The following TNKS variants were observed in gnomAD, a reference collection of about 807,000 sequenced individuals.
TNKS encodes poly [ADP-ribose] polymerase tankyrase-1.
A neutral mutation model predicts 135.8 loss-of-function variants in TNKS; 72 were observed. The ratio of observed to expected loss-of-function variants is 0.53; its 90% CI spans 0.44 to 0.64. The LOEUF (loss-of-function observed/expected upper bound fraction) is 0.64, where lower values mean the gene tolerates loss of function less well. Ranked by LOEUF, TNKS falls within the 30% of genes least tolerant of loss-of-function variation. The pLI, the probability that TNKS is intolerant of heterozygous loss-of-function variation, is 0.00. For missense variants in TNKS, 1,769 were observed against 1,674.0 expected (o/e 1.06, Z -0.99); for synonymous variants, 849 against 649.3 (o/e 1.31, Z -4.68).
At chr8:9,748,981 C>T (rs895361001) in intron 18 of TNKS, among the ~76,000 whole-genome samples, 1 of 152,156 alleles carries the variant, frequency 6.6e-6, no homozygotes. Flanking sequence ...CATGTGGCAT[C>T]TCATCATTAA....
intron 11 of TNKS, among the ~76,000 whole-genome samples, chr8:9,711,851 T>A (rs1029441745): frequency 6.6e-6 from 1 of 152,130 alleles, no homozygotes; most frequent in Non-Finnish European, 1.5e-5. Flanking sequence ...TATAAATGAA[T>A]CACCCAGCCG....
intron 1 of TNKS, among the ~76,000 whole-genome samples, chr8:9,570,398 G>A (rs77876089): frequency 0.14 from 21,384 of 151,820 alleles, 1,682 homozygotes; most frequent in Admixed American, 0.24. Flanking sequence ...ATAATGTCCT[G>A]GGGGCTAAAA....
At chr8:9,586,666 G>C (rs548448663) in intron 2 of TNKS, among the ~76,000 whole-genome samples, 1 of 151,036 alleles carries the variant, frequency 6.6e-6, no homozygotes, top group Non-Finnish European at 1.5e-5. Context: ...AAAACAGCCA[G>C]TATTATAGAA....
chr8:9,679,757 C>A (rs1327669047), intron 3 of TNKS, 194 bp from the exon 4 acceptor site: 1 of 510,346 alleles, frequency 2.0e-6, no homozygotes, highest in Non-Finnish European at 3.5e-6. Context: ...GAAGCTGCGT[C>A]AATTTGCTGC....
At chr8:9,751,869 T>C in intron 19 of TNKS, 23 bp downstream of exon 19, 1 of 1,603,544 alleles carries the variant, frequency 6.2e-7, no homozygotes, top group Non-Finnish European at 8.5e-7. Context: ...CATGAATGCT[T>C]ATTTATTTAT....
intron 17 of TNKS, chr8:9,741,743 C>T (rs374031731): frequency 3.8e-6 from 2 of 529,290 alleles, no homozygotes; most frequent in Non-Finnish European, 7.8e-6. Context: ...TCTCTTGTGG[C>T]TCAAGCGTAA....
intron 3 of TNKS, among the ~76,000 whole-genome samples, chr8:9,617,435 A>G (rs564630748): frequency 2.3e-4 from 35 of 152,358 alleles, no homozygotes; most frequent in African/African-American, 8.2e-4. Context: ...TTTCAAGAAT[A>G]TCTACTTTTT....
chr8:9,780,679 A>C lies in TNKS; in HGVS notation c.*3943A>C, dbSNP rs370798146. ...TATGGCGGAAACTTTTTAACCTTTT[A>C]TATTTTAATAAATAAAACATTGTAG... is the stretch of plus-strand genomic sequence containing the variant. On this transcript the variant is annotated 3_prime_UTR_variant, in exon 27 of 27. Coordinates refer to ENST00000310430, the MANE Select transcript of TNKS (RefSeq NM_003747.3). 6.6e-6 allele frequency: 1 copy of C among 152,202 alleles called. No individual in the cohort carries two copies. The highest frequency in any genetic ancestry group is 6.5e-5 in the Admixed American group (1 of 15,284). 9.4% of individuals were successfully genotyped at this position (152,202 alleles called of 1,614,324 possible). A position where few individuals can be genotyped will look rare whatever the true frequency, so the allele number is the denominator to read the frequency against.
At chr8:9,769,548 G>A (rs75256485) in intron 25 of TNKS, among the ~76,000 whole-genome samples, 16,620 of 151,258 alleles carry the variant, frequency 0.11, 1,210 homozygotes, top group African/African-American at 0.2. Context: ...TCCATGCAAG[G>A]GCTCAGTTTT....
At chr8:9,702,137 A>G (rs956231123) in intron 5 of TNKS, among the ~76,000 whole-genome samples, 2 of 152,202 alleles carry the variant, frequency 1.3e-5, no homozygotes, top group Non-Finnish European at 2.9e-5. Context: ...TTAACCTAAT[A>G]TTTGTGTAAT....
chr8:9,559,508 A>C (rs1296233713), intron 1 of TNKS, among the ~76,000 whole-genome samples: 1 of 152,060 alleles, frequency 6.6e-6, no homozygotes, highest in Non-Finnish European at 1.5e-5. Flanking sequence ...TAAATTGTGA[A>C]TCTTGGGGGC....
intron 5 of TNKS, among the ~76,000 whole-genome samples, chr8:9,683,317 G>C (rs1287313409): frequency 2.0e-5 from 3 of 152,098 alleles, no homozygotes; most frequent in African/African-American, 7.2e-5. Context: ...TGTCCTAGTA[G>C]ATATGTAGTC....
intron 3 of TNKS, among the ~76,000 whole-genome samples, chr8:9,644,112 AAG>A (rs1341786740): frequency 6.6e-6 from 1 of 152,116 alleles, no homozygotes; most frequent in Non-Finnish European, 1.5e-5. Context: ...CCAGGGCCTG[AAG>A]AGAGGGGGGA....
At chr8:9,669,746 T>C (rs769706015) in intron 3 of TNKS, among the ~76,000 whole-genome samples, 1 of 152,062 alleles carries the variant, frequency 6.6e-6, no homozygotes, top group African/African-American at 2.4e-5. Flanking sequence ...AATTAAATAA[T>C]GTAGTTCATT....
At chr8:9,652,625 T>G (rs1482366729) in intron 3 of TNKS, among the ~76,000 whole-genome samples, 2 of 152,200 alleles carry the variant, frequency 1.3e-5, no homozygotes, top group African/African-American at 4.8e-5. Context: ...TCATCAAAAT[T>G]TTTTTCACTG....
rs773168381 is a variant in TNKS at position 9,748,230 on chromosome 8, A to T, written c.2832+18A>T. ...TGGCAACAGTAAGTCCTCATTTCAG[A>T]TACTGATTATTGTTCCTTCTACTTT... On this transcript the variant is annotated intron_variant, in intron 18 of 26. Coordinates refer to ENST00000310430, the MANE Select transcript of TNKS (RefSeq NM_003747.3). The T allele has an allele frequency of 6.7e-7, 1 of 1,482,652 alleles. No homozygotes were observed. Among genetic ancestry groups the T allele is most frequent in the African/African-American group, 1.4e-5 (1 of 70,156 alleles). The allele number at this position is 1,482,652 out of a possible 1,614,324, so 91.8% of individuals were successfully genotyped here. A position where few individuals can be genotyped will look rare whatever the true frequency, so the allele number is the denominator to read the frequency against.
chr8:9,708,259 TTAAAA>T (rs1473512491), intron 8 of TNKS, 107 bp from the exon 9 acceptor site: 30 of 1,008,134 alleles, frequency 3.0e-5, no homozygotes, highest in Non-Finnish European at 3.9e-5. Flanking sequence ...GCTGCTGTTG[TTAAAA>T]TAGAGAAATT....
intron 13 of TNKS, among the ~76,000 whole-genome samples, chr8:9,729,522 T>C (rs1190066424): frequency 1.3e-5 from 2 of 152,110 alleles, no homozygotes; most frequent in East Asian, 1.9e-4. Flanking sequence ...TTCCCTCAAG[T>C]TGGATAATTA....
intron 5 of TNKS, among the ~76,000 whole-genome samples, chr8:9,682,850 G>C (rs2128798269): frequency 6.6e-6 from 1 of 151,944 alleles, no homozygotes; most frequent in East Asian, 1.9e-4. Flanking sequence ...CTGTTAACAT[G>C]AGGGAGAACC....
Sources: allele counts gnomAD v4.1 joint callset (sites outside exome capture counted in the v4.1 genomes callset), GRCh38; gene constraint gnomAD v4.1.1; transcripts MANE v1.5; gene names NCBI Gene and HGNC (gene_info 2026-07-23, HGNC 2026-07-21).